Variants in METTL15 observed in about 807,000 individuals in gnomAD.
The protein encoded by METTL15 is methyltransferase 15, mitochondrial 12S rRNA N4-cytidine, also known as 12S rRNA N(4)-cytidine methyltransferase METTL15.
A neutral mutation model predicts 38.3 loss-of-function variants in METTL15; 34 were observed. That is an observed-to-expected ratio of 0.89 (90% CI 0.68 to 1.18). The LOEUF is 1.18. METTL15 is among the 50% of genes most tolerant of loss of function. METTL15 has a pLI of 0.00. For synonymous variants in METTL15, 162 were observed against 170.9 expected (o/e 0.95, Z 0.41); for missense variants, 438 against 498.4 (o/e 0.88, Z 1.15).
chr11:28,479,720 A>G (rs967691833), intron 6 of METTL15, among the ~76,000 whole-genome samples: 4 of 152,208 alleles, frequency 2.6e-5, no homozygotes, highest in Admixed American at 2.6e-4. Context: ...TCTGAAGAAC[A>G]TAACCAGCGA....
chr11:28,195,877 G>A (rs1851890296), intron 3 of METTL15, among the ~76,000 whole-genome samples: 1 of 151,478 alleles, frequency 6.6e-6, no homozygotes, highest in South Asian at 2.1e-4. Context: ...GTCTTGAGTT[G>A]GTCTGAAATG....
In METTL15 at chr11:28,354,645, C is replaced by G. The variant is rs531128183; in HGVS notation, c.*258+2487C>G. On this transcript the variant is annotated intron_variant and NMD_transcript_variant, in intron 4 of 7. Coordinates refer to the METTL15 transcript ENST00000532947. ...TGACTTTATTGTATCCTACTTAGTT[C>G]AGCTCATTCAACAACAGAAGCAAGA... Among the ~76,000 whole-genome samples the G allele has an allele frequency of 1.3e-4, 20 of 152,216 alleles. No individual in the cohort carries two copies. The South Asian group carries it at 4.2e-3, about 32-fold the overall frequency.
intron 4 of METTL15, among the ~76,000 whole-genome samples, chr11:28,356,401 C>A (rs1850090247): frequency 6.6e-6 from 1 of 152,148 alleles, no homozygotes; most frequent in East Asian, 1.9e-4. Flanking sequence ...CATGAGCCTT[C>A]TCTGTATACA....
At chr11:28,510,374 C>T (rs905154626) in intron 6 of METTL15, among the ~76,000 whole-genome samples, 1 of 151,896 alleles carries the variant, frequency 6.6e-6, no homozygotes, top group Non-Finnish European at 1.5e-5. Context: ...GAAAATAGAC[C>T]TTTATCTAAA....
intron 6 of METTL15, among the ~76,000 whole-genome samples, chr11:28,315,906 G>A (rs1437936741): frequency 6.6e-6 from 1 of 152,196 alleles, no homozygotes; most frequent in Non-Finnish European, 1.5e-5. Context: ...TGGGGTTTGG[G>A]AACCTCTGCC....
intron 4 of METTL15, among the ~76,000 whole-genome samples, chr11:28,356,570 A>C (rs539614797): frequency 1.3e-5 from 2 of 152,346 alleles, no homozygotes; most frequent in East Asian, 1.9e-4. Flanking sequence ...GTTTAGAAAG[A>C]AAGCCAAGCC....
At chr11:28,322,416 C>T (rs1322170826) in intron 6 of METTL15, among the ~76,000 whole-genome samples, 1 of 152,028 alleles carries the variant, frequency 6.6e-6, no homozygotes, top group Non-Finnish European at 1.5e-5. Flanking sequence ...GAAAAGATGT[C>T]CAACCTTACT....
At chr11:28,456,029 A>G (rs1851165566) in intron 6 of METTL15, among the ~76,000 whole-genome samples, 1 of 151,796 alleles carries the variant, frequency 6.6e-6, no homozygotes, top group Admixed American at 6.6e-5. Flanking sequence ...TTTTAAAGAC[A>G]AGCTTTCACT....
At chr11:28,382,301 G>T (rs1342236810) in intron 5 of METTL15, among the ~76,000 whole-genome samples, 1 of 152,132 alleles carries the variant, frequency 6.6e-6, no homozygotes, top group African/African-American at 2.4e-5. Context: ...CCAAGTCTGG[G>T]GATGATAGTT....
At chr11:28,210,762 T>TG (rs764815348) in intron 3 of METTL15, among the ~76,000 whole-genome samples, 2 of 152,010 alleles carry the variant, frequency 1.3e-5, no homozygotes, top group African/African-American at 2.4e-5. Flanking sequence ...GTTAAAGAGC[T>TG]GGGGGCACAA....
intron 4 of METTL15, among the ~76,000 whole-genome samples, chr11:28,223,499 A>T (rs1853338797): frequency 6.6e-6 from 1 of 152,182 alleles, no homozygotes; most frequent in Non-Finnish European, 1.5e-5. Flanking sequence ...TGTAATTGCA[A>T]CCTGTAGTAG....
At position 28,324,982 on chromosome 11, in the gene METTL15, C is replaced by G. The variant is rs118152904; in HGVS notation, c.779-5414C>G. 7.3e-3 allele frequency among the ~76,000 whole-genome samples: 1,112 copies of G among 152,292 alleles called. 7 individuals carry two copies. The highest frequency in any genetic ancestry group is 0.011 in the Non-Finnish European group (728 of 68,026). On this transcript the variant is annotated intron_variant, in intron 6 of 6. Coordinates refer to ENST00000407364, the MANE Select transcript of METTL15 (RefSeq NM_001113528.2). ...GTGGCTCCTGCTGCCCCCATGCCTGCAGCTGCATGGCTGACATTCCCTTGG... is the reference window on the plus strand; with the variant it reads ...GTGGCTCCTGCTGCCCCCATGCCTGGAGCTGCATGGCTGACATTCCCTTGG...
chr11:28,396,596 CA>C (rs1170063253), intron 5 of METTL15, among the ~76,000 whole-genome samples: 6 of 151,846 alleles, frequency 4.0e-5, no homozygotes, highest in Non-Finnish European at 4.4e-5. Flanking sequence ...AAAGAGGACA[CA>C]AAAAAATGGA....
intron 6 of METTL15, among the ~76,000 whole-genome samples, chr11:28,469,280 G>A (rs544345311): frequency 3.9e-5 from 6 of 151,998 alleles, no homozygotes; most frequent in Admixed American, 2.6e-4. Flanking sequence ...AGTTATGATC[G>A]ACAAGTAAGA....
chr11:28,253,376 A>G (rs146721739), intron 4 of METTL15, among the ~76,000 whole-genome samples: 22 of 152,280 alleles, frequency 1.4e-4, no homozygotes, highest in Middle Eastern at 3.4e-3. Context: ...ATGTTTTAAT[A>G]CAAGTGTGCA....
At chr11:28,464,352 G>A (rs1048263634) in intron 6 of METTL15, among the ~76,000 whole-genome samples, 16 of 152,174 alleles carry the variant, frequency 1.1e-4, no homozygotes, top group African/African-American at 3.6e-4. Flanking sequence ...GGCTTTGTGG[G>A]CCATACAGTC....
intron 3 of METTL15, among the ~76,000 whole-genome samples, chr11:28,181,259 A>ATTTTTTTTTTTT (rs71449171): frequency 1.1e-4 from 15 of 133,794 alleles, no homozygotes; most frequent in Non-Finnish European, 1.3e-4. Context: ...TTAATTTTTA[A>ATTTTTTTTTTTT]TTTTTTTTTT....
At chr11:28,172,423 T>C (rs1195125075) in intron 3 of METTL15, among the ~76,000 whole-genome samples, 1 of 152,168 alleles carries the variant, frequency 6.6e-6, no homozygotes, top group African/African-American at 2.4e-5. Context: ...CAGCTATAGC[T>C]CAGGTTACTA....
intron 5 of METTL15, among the ~76,000 whole-genome samples, chr11:28,370,691 T>G (rs1300560744): frequency 6.6e-6 from 1 of 152,072 alleles, no homozygotes; most frequent in Non-Finnish European, 1.5e-5. Flanking sequence ...TAGGGTTTCC[T>G]TTTCTCCACA....
Sources: gnomAD v4.1 joint callset for allele counts (sites outside exome capture counted in the v4.1 genomes callset) on GRCh38, gnomAD v4.1.1 for gene constraint, MANE v1.5 for transcripts, NCBI Gene and HGNC (gene_info 2026-07-23, HGNC 2026-07-21) for gene names.